Variants in KALRN observed in about 807,000 individuals in gnomAD.
The protein encoded by KALRN is kalirin.
Under a neutral mutation model 353.7 loss-of-function variants are expected in KALRN, and 70 were observed. The observed-to-expected ratio is 0.20, with a 90% CI of 0.16 to 0.24. KALRN has a LOEUF of 0.24. Among genes scored for constraint, KALRN ranks in the 10% least tolerant of loss-of-function variants. The pLI is 1.00. For missense variants in KALRN, 2,791 were observed against 3,756.7 expected (o/e 0.74, Z 6.72); for synonymous variants, 1,391 against 1,434.8 (o/e 0.97, Z 0.69).
chr3:124,683,791 A>G (rs1340039285), intron 51 of KALRN, among the ~76,000 whole-genome samples: 2 of 152,190 alleles, frequency 1.3e-5, no homozygotes. Context: ...CAGTGTTGGG[A>G]TCTTCTGGGA....
At position 124,061,654 on chromosome 3, in the gene KALRN, T is replaced by C. The variant is rs192253747; in HGVS notation, c.73+27841T>C. 1.7e-3 allele frequency among the ~76,000 whole-genome samples: 257 copies of C among 152,362 alleles called. 2 individuals carry two copies. Among genetic ancestry groups the C allele is most frequent in the Admixed American group, 0.015 (229 of 15,278 alleles). On this transcript the variant is annotated intron_variant, in intron 1 of 59. Coordinates refer to ENST00000682506, the MANE Select transcript of KALRN (RefSeq NM_001388419.1). The stretch of plus-strand genomic sequence containing the variant: ...TCCAAATATGTTTTCAAGAACAGTA[T>C]GTGGCTACATCATTTTAAATCCCCA...
chr3:124,442,622 C>G (rs1356076765), intron 19 of KALRN, among the ~76,000 whole-genome samples: 1 of 152,130 alleles, frequency 6.6e-6, no homozygotes, highest in African/African-American at 2.4e-5. Flanking sequence ...CATCTAGACT[C>G]TTGCTCCTCA....
intron 1 of KALRN, among the ~76,000 whole-genome samples, chr3:124,064,282 T>C (rs2042184900): frequency 6.6e-6 from 1 of 151,628 alleles, no homozygotes; most frequent in Admixed American, 6.6e-5. Flanking sequence ...AAAGAACAAG[T>C]AGGAGTTTAA....
At chr3:124,169,660 T>G (rs191150084) in intron 1 of KALRN, among the ~76,000 whole-genome samples, 1 of 152,024 alleles carries the variant, frequency 6.6e-6, no homozygotes, top group Non-Finnish European at 1.5e-5. Context: ...TGGTCTCTGA[T>G]GGAGATGTAG....
intron 34 of KALRN, among the ~76,000 whole-genome samples, chr3:124,598,657 G>GTCGTTTT: frequency 6.6e-6 from 1 of 151,906 alleles, no homozygotes; most frequent in Non-Finnish European, 1.5e-5. Flanking sequence ...TTGTGTTGTT[G>GTCGTTTT]TTGTTTGTTT....
intron 1 of KALRN, among the ~76,000 whole-genome samples, chr3:124,093,157 C>T (rs2061224473): frequency 6.6e-6 from 1 of 152,118 alleles, no homozygotes; most frequent in Non-Finnish European, 1.5e-5. Context: ...CCTCCTTGCT[C>T]CTACCCCCTG....
Position 124,228,019 on chromosome 3 carries a change from T to A in KALRN, c.103T>A (p.Ser35Thr). The A allele has an allele frequency of 6.2e-7, 1 of 1,614,154 alleles. No individual in the cohort carries two copies. The highest frequency in any genetic ancestry group is 8.5e-7 in the Non-Finnish European group (1 of 1,179,988). The change falls in exon 2 of 60, where the codon TCT (serine) becomes ACT (threonine). Residue 35 changes from serine to threonine, a missense_variant. Physicochemically the swap from Ser to Thr is moderately conservative, Grantham distance 58. Around this residue, in one of 11 missense-constraint regions of KALRN, gnomAD observed 110 missense variants for 204.1 expected, o/e 0.54. Transcript: ENST00000682506. ...TTTTCGGAATGATGGTTTGAAAGCT[T>A]CTGATGTCCTTCCTATCCTAAAGGA... ...GSFRNDGLKA[S>T]DVLPILKEKV... is the part of the protein sequence containing the mutation.
chr3:124,528,914 AG>A (rs971779226), intron 33 of KALRN, among the ~76,000 whole-genome samples: 2 of 152,104 alleles, frequency 1.3e-5, no homozygotes, highest in African/African-American at 4.8e-5. Flanking sequence ...TGTGCTCAGC[AG>A]GGGGGGCTCT....
chr3:124,374,840 C>A (rs962690722), intron 10 of KALRN, among the ~76,000 whole-genome samples: 18 of 152,200 alleles, frequency 1.2e-4, no homozygotes, highest in African/African-American at 4.3e-4. Flanking sequence ...CATTTCCCCC[C>A]ATACCTCTTG....
chr3:124,247,352 A>G (rs778384713), intron 3 of KALRN, among the ~76,000 whole-genome samples: 16 of 152,204 alleles, frequency 1.1e-4, no homozygotes, highest in Non-Finnish European at 2.2e-4. Flanking sequence ...ATAAGCAAGG[A>G]TTACTCTTCT....
intron 51 of KALRN, among the ~76,000 whole-genome samples, chr3:124,681,742 G>A (rs543216251): frequency 3.9e-4 from 56 of 142,746 alleles, no homozygotes; most frequent in Middle Eastern, 3.8e-3. Flanking sequence ...GGATCCTCCC[G>A]CCTCAGCCTC....
chr3:124,658,976 C>T (rs1183992483), intron 42 of KALRN, among the ~76,000 whole-genome samples: 1 of 152,166 alleles, frequency 6.6e-6, no homozygotes, highest in African/African-American at 2.4e-5. Context: ...AAAAAGCACT[C>T]AGCTGAGTGT....
Position 124,674,590 on chromosome 3 carries a change from C to T in KALRN, c.7169C>T (p.Ala2390Val), listed in dbSNP as rs759431023. The T allele has an allele frequency of 1.2e-6, 2 of 1,602,966 alleles. No individual in the cohort carries two copies. The highest frequency in any genetic ancestry group is 4.5e-5 in the East Asian group (2 of 44,564). ...GCGCCCCTCACCAAAGCCACAGCAG[C>T]AGAAAGTAGTGACGGGAGCATCAAG... The part of the protein sequence containing the change: ...ILAPLTKATA[A>V]ESSDGSIKKS... The change falls in exon 49 of 60, where the codon GCA becomes GTA. Residue 2390 changes from alanine to valine, a missense_variant. By Grantham distance (64) the Ala-to-Val change is moderately conservative. Coordinates refer to ENST00000682506, the MANE Select transcript of KALRN (RefSeq NM_001388419.1).
At chr3:124,161,244 T>C (rs2069896730) in intron 1 of KALRN, among the ~76,000 whole-genome samples, 1 of 152,236 alleles carries the variant, frequency 6.6e-6, no homozygotes, top group Non-Finnish European at 1.5e-5. Context: ...CTCCAGATAT[T>C]TACAGAGCAG....
At chr3:124,287,785 A>G (rs1250876331) in intron 5 of KALRN, among the ~76,000 whole-genome samples, 2 of 9,800 alleles carry the variant, frequency 2.0e-4, no homozygotes, top group Non-Finnish European at 2.7e-4. Flanking sequence ...ATATATATAT[A>G]TATATATATA....
chr3:124,535,429 G>A (rs1002146553), intron 33 of KALRN, among the ~76,000 whole-genome samples: 13 of 152,126 alleles, frequency 8.5e-5, no homozygotes, highest in Non-Finnish European at 1.0e-4. Flanking sequence ...GAGTGCTACA[G>A]CACAACCTGA....
intron 16 of KALRN, among the ~76,000 whole-genome samples, chr3:124,431,908 T>C (rs1266406090): frequency 6.6e-6 from 1 of 152,238 alleles, no homozygotes; most frequent in Non-Finnish European, 1.5e-5. Context: ...CCATTACTAG[T>C]ACTAGAAGAA....
chr3:124,044,649 A>C (rs1039177972), intron 1 of KALRN, among the ~76,000 whole-genome samples: 3 of 151,852 alleles, frequency 2.0e-5, no homozygotes, highest in African/African-American at 7.3e-5. Flanking sequence ...TCATGTTAAT[A>C]GATATATTCT....
At chr3:124,178,934 C>G (rs1444961986) in intron 1 of KALRN, among the ~76,000 whole-genome samples, 2 of 152,050 alleles carry the variant, frequency 1.3e-5, no homozygotes, top group Admixed American at 1.3e-4. Context: ...ACGACCCAGT[C>G]TCTATAAACA....
Sources: gnomAD v4.1 joint callset for allele counts (sites outside exome capture counted in the v4.1 genomes callset) on GRCh38, gnomAD v4.1.1 for gene constraint, gnomAD v4.1.1 regional missense constraint, MANE v1.5 for transcripts, NCBI Gene and HGNC (gene_info 2026-07-23, HGNC 2026-07-21) for gene names.